SH3KBP1: variants seen among roughly 807,000 people sequenced by gnomAD.
The protein encoded by SH3KBP1 is SH3 domain containing kinase binding protein 1.
In SH3KBP1, 8 loss-of-function variants were observed where a neutral mutation model predicts 50.1. The observed-to-expected ratio is 0.16, with a 90% confidence interval of 0.09 to 0.29. SH3KBP1 has a LOEUF of 0.29. SH3KBP1 is among the 10% of genes least tolerant of loss of function. SH3KBP1 has a pLI of 1.00. For missense variants in SH3KBP1, 377 were observed against 535.2 expected (o/e 0.70, Z 2.92); for synonymous variants, 227 against 218.6 (o/e 1.04, Z -0.34).
At chrX:19,649,664 G>A (rs1278149306) in intron 6 of SH3KBP1, among the ~76,000 whole-genome samples, 3 of 111,581 alleles carry the variant, frequency 2.7e-5, no homozygotes, top group East Asian at 2.8e-4. Flanking sequence ...CTAAATAAAC[G>A]TTTCAGGATT....
intron 15 of SH3KBP1, 52 bp from the exon 16 acceptor site, chrX:19,542,245 G>A (rs370834576): frequency 2.7e-5 from 29 of 1,089,415 alleles, no homozygotes; most frequent in African/African-American, 1.9e-4. Flanking sequence ...TGTGTGCTGC[G>A]TCTTTGTCCT....
chrX:19,867,333 G>A (rs2068937330), intron 1 of SH3KBP1, among the ~76,000 whole-genome samples: 1 of 111,448 alleles, frequency 9.0e-6, no homozygotes, highest in African/African-American at 3.3e-5. Flanking sequence ...GGAAAGGGAA[G>A]AGGGAATTAT....
chrX:19,724,533 A>G (rs1275318695), intron 3 of SH3KBP1, among the ~76,000 whole-genome samples: 2 of 112,384 alleles, frequency 1.8e-5, no homozygotes, highest in African/African-American at 6.5e-5. Context: ...TTTGTGAGCC[A>G]TATGGCCTCT....
At chrX:19,583,951 T>C (rs2066464444) in intron 12 of SH3KBP1, among the ~76,000 whole-genome samples, 1 of 97,221 alleles carries the variant, frequency 1.0e-5, no homozygotes, top group Non-Finnish European at 2.0e-5. Flanking sequence ...TTTATAAATA[T>C]ATATTGTTAA....
rs775856323 is a variant in SH3KBP1 at position 19,852,926 on chromosome X, AAAAGTG to A, written c.5-16650_5-16645del. On this transcript the variant is annotated intron_variant, in intron 1 of 17. Transcript: ENST00000397821. ...AGGGTATCTTTCTCTGGCATTGGATAAAAGTGGATCAACATTACAACAGTGATATAA... is the reference window on the plus strand; with the variant it reads ...AGGGTATCTTTCTCTGGCATTGGATAGATCAACATTACAACAGTGATATAA... Among the ~76,000 whole-genome samples, 525 of 111,280 alleles carry A rather than the reference AAAAGTG, an allele frequency of 4.7e-3. 3 individuals carry two copies. Among genetic ancestry groups the A allele is most frequent in the African/African-American group, 0.017 (499 of 30,027 alleles).
In SH3KBP1 at chrX:19,588,818, T is replaced by G; in HGVS notation, c.1139-16A>C. On this transcript the variant is annotated splice_polypyrimidine_tract_variant and intron_variant, in intron 11 of 17. Coordinates refer to ENST00000397821, the MANE Select transcript of SH3KBP1 (RefSeq NM_031892.3). ...TCTGGTCTTTCTTTAAATCATTGTT[T>G]AAAGAAAACAGATAGATCGAGTGTA... The G allele has an allele frequency of 9.0e-7, 1 of 1,115,365 alleles. No individual in the cohort carries two copies. The highest frequency in any genetic ancestry group is 2.4e-5 in the South Asian group (1 of 41,149). The allele number at this position is 1,115,365 out of a possible 1,213,427, so 91.9% of individuals were successfully genotyped here.
intron 1 of SH3KBP1, among the ~76,000 whole-genome samples, chrX:19,863,433 T>C (rs1186025914): frequency 1.8e-5 from 2 of 112,137 alleles, no homozygotes; most frequent in Admixed American, 1.9e-4. Flanking sequence ...GTCTGAGACT[T>C]GCTTTCACTG....
At chrX:19,815,702 C>T (rs999971738) in intron 2 of SH3KBP1, among the ~76,000 whole-genome samples, 1 of 111,886 alleles carries the variant, frequency 8.9e-6, no homozygotes, top group Non-Finnish European at 1.9e-5. Context: ...AATCTGCTCT[C>T]CAAGTCTATA....
chrX:19,852,561 C>T lies in SH3KBP1; in HGVS notation c.5-16279G>A, dbSNP rs1274575827. 3.7e-5 allele frequency among the ~76,000 whole-genome samples: 4 copies of T among 107,754 alleles called. No individual in the cohort carries two copies. The Admixed American group carries it at 4.0e-4, about 11-fold the overall frequency. 93.6% of individuals were successfully genotyped at this position (107,754 alleles called of 115,157 possible). The stretch of plus-strand genomic sequence containing the variant: ...CTGGACTCAAAGTCCGTCTTCTTGC[C>T]CCTGTTCCTGCTCATATTTTTTTCA... On this transcript the variant is annotated intron_variant, in intron 1 of 17. Coordinates refer to ENST00000397821, the MANE Select transcript of SH3KBP1 (RefSeq NM_031892.3).
At chrX:19,612,646 T>A (rs1434287437) in intron 8 of SH3KBP1, among the ~76,000 whole-genome samples, 1 of 111,504 alleles carries the variant, frequency 9.0e-6, no homozygotes, top group South Asian at 3.7e-4. Context: ...TAAAAAAAAA[T>A]GCCAATGGCT....
chrX:19,722,961 C>T (rs1478298084), intron 3 of SH3KBP1, among the ~76,000 whole-genome samples: 1 of 109,368 alleles, frequency 9.1e-6, no homozygotes, highest in Non-Finnish European at 1.9e-5. Context: ...ATGGCAAAAC[C>T]CCATCTCCAC....
intron 12 of SH3KBP1, among the ~76,000 whole-genome samples, chrX:19,576,437 T>TA (rs200526801): frequency 3.1e-4 from 33 of 106,177 alleles, no homozygotes; most frequent in East Asian, 1.4e-3. Context: ...AATAAGCACT[T>TA]AAAAAAAAAA....
intron 6 of SH3KBP1, among the ~76,000 whole-genome samples, chrX:19,680,558 C>G (rs1046485404): frequency 9.0e-6 from 1 of 111,174 alleles, no homozygotes; most frequent in Non-Finnish European, 1.9e-5. Context: ...CTACTGAATG[C>G]TATCACGCAA....
At chrX:19,538,301 C>T (rs746418281) in intron 16 of SH3KBP1, among the ~76,000 whole-genome samples, 1 of 112,030 alleles carries the variant, frequency 8.9e-6, no homozygotes, top group East Asian at 2.8e-4. Context: ...ACCTCCCAAA[C>T]TCAAGCGATC....
In SH3KBP1 at chrX:19,639,265, G is replaced by A. The variant is rs185518701; in HGVS notation, c.802+6135C>T. ...ACAACCACCTTCGGTCTCGGATGCTGTTGGGAATTTGACTTTCAAATTATT... is the reference window on the plus strand; with the variant it reads ...ACAACCACCTTCGGTCTCGGATGCTATTGGGAATTTGACTTTCAAATTATT... On this transcript the variant is annotated intron_variant, in intron 7 of 17. Transcript: ENST00000397821. 1.4e-4 allele frequency among the ~76,000 whole-genome samples: 16 copies of A among 112,016 alleles called. No homozygotes were observed. In the East Asian group the frequency reaches 4.5e-3, roughly 31 times the overall value.
Position 19,887,467 on chromosome X carries a change from G to C in SH3KBP1, c.-157C>G, listed in dbSNP as rs1042978073. 330 of 347,551 alleles carry C rather than the reference G, an allele frequency of 9.5e-4. 1 individual carries two copies. The East Asian group carries it at 0.01, about 11-fold the overall frequency. The allele number at this position is 347,551 out of a possible 1,213,427, so 28.6% of individuals were successfully genotyped here. A position where few individuals can be genotyped will look rare whatever the true frequency, so the allele number is the denominator to read the frequency against. ...TTCTTCCTCAGTGGCGGCGGCGGCG[G>C]CTCAGCGCCGCCCGCTGCTGCCTCT... On this transcript the variant is annotated 5_prime_UTR_variant, in exon 1 of 18. Transcript: ENST00000397821.
At chrX:19,680,425 TATA>T (rs1478533494) in intron 6 of SH3KBP1, among the ~76,000 whole-genome samples, 1 of 103,382 alleles carries the variant, frequency 9.7e-6, no homozygotes, top group African/African-American at 3.6e-5. Context: ...GAACGAAAAG[TATA>T]ATATGATGCT....
chrX:19,666,076 A>G (rs1329168216), intron 6 of SH3KBP1, among the ~76,000 whole-genome samples: 1 of 109,192 alleles, frequency 9.2e-6, no homozygotes, highest in African/African-American at 3.3e-5. Flanking sequence ...ACACTCCACT[A>G]AAGGCTACCA....
intron 8 of SH3KBP1, among the ~76,000 whole-genome samples, chrX:19,631,470 C>T (rs1042356293): frequency 6.3e-5 from 7 of 111,041 alleles, no homozygotes; most frequent in African/African-American, 2.4e-4. Context: ...ATTCTTTAAG[C>T]GTTTTCTGCC....
Sources: gnomAD v4.1 joint callset for allele counts (sites outside exome capture counted in the v4.1 genomes callset) on GRCh38, gnomAD v4.1.1 for gene constraint, MANE v1.5 for transcripts, NCBI Gene and HGNC (gene_info 2026-07-23, HGNC 2026-07-21) for gene names.